Variants in DDX4 observed in about 807,000 individuals in gnomAD.
The protein encoded by DDX4 is DEAD-box helicase 4, also known as probable ATP-dependent RNA helicase DDX4.
Under a neutral mutation model 100.0 loss-of-function variants are expected in DDX4, and 25 were observed. The ratio of observed to expected loss-of-function variants is 0.25; its 90% CI spans 0.18 to 0.35. DDX4 has a LOEUF of 0.35. DDX4 is among the 10% of genes least tolerant of loss of function. DDX4 has a pLI of 1.00. For missense variants in DDX4, 635 were observed against 882.4 expected, an observed-to-expected ratio of 0.72 and a Z score of 3.55; for synonymous variants, 259 against 275.7, an observed-to-expected ratio of 0.94 and a Z score of 0.60.
Position 55,816,446 on chromosome 5 carries a change from T to G in DDX4, c.2098-17T>G. 13 of 1,564,142 alleles carry G rather than the reference T, an allele frequency of 8.3e-6. No individual in the cohort carries two copies. The highest frequency in any genetic ancestry group is 1.1e-5 in the Non-Finnish European group (13 of 1,155,424). ...TGTTTGTTTGTTTCTTTTTTTTTTT[T>G]TTTAAATAATTACCAGGGCAAGAGC... On this transcript the variant is annotated splice_polypyrimidine_tract_variant and intron_variant, in intron 21 of 21. Coordinates refer to ENST00000505374, the MANE Select transcript of DDX4 (RefSeq NM_024415.3).
intron 10 of DDX4, among the ~76,000 whole-genome samples, chr5:55,783,838 G>GTT (rs147016073): frequency 0.07 from 10,010 of 143,926 alleles, 514 homozygotes; most frequent in African/African-American, 0.15. Flanking sequence ...AACCAGTAAA[G>GTT]TTTTTTTTTT....
At chr5:55,760,509 T>A (rs1740461654) in intron 4 of DDX4, among the ~76,000 whole-genome samples, 1 of 152,078 alleles carries the variant, frequency 6.6e-6, no homozygotes, top group Non-Finnish European at 1.5e-5. Context: ...GTTGGAGGGA[T>A]GGATGGGTTG....
chr5:55,800,748 A>G lies in DDX4; in HGVS notation c.1615+2177A>G, dbSNP rs779437434. Among the ~76,000 whole-genome samples the G allele has an allele frequency of 3.9e-5, 6 of 152,162 alleles. No individual in the cohort carries two copies. In the South Asian group the frequency reaches 6.2e-4, roughly 16 times the overall value. On this transcript the variant is annotated intron_variant, in intron 18 of 21. Coordinates refer to ENST00000505374, the MANE Select transcript of DDX4 (RefSeq NM_024415.3). ...GGTCAATGTATTATATATGAGCACT[A>G]TTGATATACTTCTGTATTATTTAAG...
intron 16 of DDX4, among the ~76,000 whole-genome samples, chr5:55,791,404 C>T (rs1742549546): frequency 6.6e-6 from 1 of 151,970 alleles, no homozygotes; most frequent in African/African-American, 2.4e-5. Context: ...TTAAAAGGAC[C>T]CAGAGATATC....
chr5:55,749,299 A>T (rs1019277204), intron 3 of DDX4, among the ~76,000 whole-genome samples: 4 of 152,098 alleles, frequency 2.6e-5, no homozygotes, highest in Admixed American at 6.6e-5. Flanking sequence ...GGGCGTGGTG[A>T]TGTGCACCTG....
At chr5:55,769,680 G>A (rs571898260) in intron 7 of DDX4, among the ~76,000 whole-genome samples, 1 of 151,948 alleles carries the variant, frequency 6.6e-6, no homozygotes, top group Admixed American at 6.6e-5. Context: ...AATTCATATG[G>A]AACCAAAAAA....
intron 8 of DDX4, among the ~76,000 whole-genome samples, chr5:55,780,845 T>C (rs1203970283): frequency 1.3e-5 from 2 of 152,226 alleles, no homozygotes; most frequent in Non-Finnish European, 1.5e-5. Context: ...ACATTATTTG[T>C]AGAGAATTCC....
chr5:55,788,131 C>T (rs1742352187), intron 15 of DDX4, 131 bp downstream of exon 15: 3 of 800,414 alleles, frequency 3.7e-6, no homozygotes, highest in Non-Finnish European at 5.6e-6. Context: ...TTTTTATTAT[C>T]TTGTTTATGG....
intron 17 of DDX4, among the ~76,000 whole-genome samples, chr5:55,797,029 A>G (rs1046570842): frequency 2.0e-5 from 3 of 151,202 alleles, no homozygotes; most frequent in Non-Finnish European, 2.9e-5. Context: ...TTTTTTGTAG[A>G]GATGGGGTTT....
intron 3 of DDX4, among the ~76,000 whole-genome samples, chr5:55,753,132 G>A (rs1429952209): frequency 6.6e-6 from 1 of 152,014 alleles, no homozygotes; most frequent in African/African-American, 2.4e-5. Flanking sequence ...CATTCTGTAG[G>A]TTGCCTGTTC....
intron 17 of DDX4, among the ~76,000 whole-genome samples, 169 bp from the exon 18 acceptor site, chr5:55,798,257 T>C (rs1360400520): frequency 6.6e-6 from 1 of 152,222 alleles, no homozygotes; most frequent in Non-Finnish European, 1.5e-5. Flanking sequence ...TAATATTTTA[T>C]ACTGATCTTT....
intron 2 of DDX4, among the ~76,000 whole-genome samples, chr5:55,740,857 T>G (rs1758941572): frequency 6.6e-6 from 1 of 152,128 alleles, no homozygotes; most frequent in South Asian, 2.1e-4. Flanking sequence ...TTCTTGACAC[T>G]TCAGCACTAA....
chr5:55,763,061 CT>C, intron 4 of DDX4, 113 bp from the exon 5 acceptor site: 1 of 676,596 alleles, frequency 1.5e-6, no homozygotes, highest in Non-Finnish European at 2.6e-6. Flanking sequence ...CTGTGCTACT[CT>C]TTTCCCATCC....
chr5:55,763,097 T>A (rs577151948), intron 4 of DDX4, 78 bp from the exon 5 acceptor site: 1 of 963,792 alleles, frequency 1.0e-6, no homozygotes, highest in African/African-American at 1.6e-5. Context: ...ACGCCAGAAA[T>A]TCATTTAATT....
At chr5:55,743,543 C>A (rs1406679128) in intron 2 of DDX4, among the ~76,000 whole-genome samples, 2 of 152,150 alleles carry the variant, frequency 1.3e-5, no homozygotes, top group African/African-American at 4.8e-5. Flanking sequence ...GATTCTCCTG[C>A]CTCAGTCTCC....
intron 3 of DDX4, among the ~76,000 whole-genome samples, chr5:55,757,592 T>G (rs1487760526): frequency 6.6e-6 from 1 of 152,188 alleles, no homozygotes; most frequent in African/African-American, 2.4e-5. Flanking sequence ...TATAATGACT[T>G]CTTTTCCAAC....
intron 3 of DDX4, among the ~76,000 whole-genome samples, chr5:55,753,192 G>C (rs1759679492): frequency 6.6e-6 from 1 of 152,130 alleles, no homozygotes; most frequent in South Asian, 2.1e-4. Context: ...AGTTTAATTA[G>C]ATCCCATTTG....
rs1274012590 is a variant in DDX4, at chr5:55,782,798, C to CT, written c.625+832dup. Among the ~76,000 whole-genome samples, 893 of 137,556 alleles carry CT rather than the reference C, an allele frequency of 6.5e-3. 7 individuals carry two copies. Among genetic ancestry groups the CT allele is most frequent in the African/African-American group, 0.013 (482 of 37,812 alleles). The allele number at this position is 137,556 out of a possible 152,430, so 90.2% of individuals were successfully genotyped here. On this transcript the variant is annotated intron_variant, in intron 10 of 21. Coordinates refer to ENST00000505374, the MANE Select transcript of DDX4 (RefSeq NM_024415.3). The stretch of plus-strand genomic sequence containing the variant: ...TTTTACTCTTAAAGTTTTTTCTTTT[C>CT]TTTTTTTTTTTTTTTGAGACAGAGT...
At chr5:55,768,009 A>C in intron 7 of DDX4, 69 bp downstream of exon 7, 5 of 1,382,708 alleles carry the variant, frequency 3.6e-6, no homozygotes, top group Non-Finnish European at 5.2e-6. Context: ...CTGATTTTGA[A>C]GGAGCTGGAT....
Sources: allele counts gnomAD v4.1 joint callset (sites outside exome capture counted in the v4.1 genomes callset), GRCh38; gene constraint gnomAD v4.1.1; transcripts MANE v1.5; gene names NCBI Gene and HGNC (gene_info 2026-07-23, HGNC 2026-07-21).